FBXW7: variants seen among roughly 807,000 people sequenced by gnomAD.
FBXW7 encodes the protein F-box and WD repeat domain containing 7.
Under a neutral mutation model 86.3 loss-of-function variants are expected in FBXW7, and 11 were observed. The ratio of observed to expected loss-of-function variants is 0.13; its 90% CI spans 0.08 to 0.21. The LOEUF is 0.21. Among genes scored for constraint, FBXW7 ranks in the 10% least tolerant of loss-of-function variants. The pLI, the probability that FBXW7 is intolerant of heterozygous loss-of-function variation, is 1.00. For synonymous variants in FBXW7, 313 were observed against 297.9 expected (o/e 1.05, Z -0.52); for missense variants, 488 against 847.4 (o/e 0.58, Z 5.27).
At chr4:152,465,808 C>T (rs956941004) in intron 2 of FBXW7, among the ~76,000 whole-genome samples, 4 of 148,832 alleles carry the variant, frequency 2.7e-5, no homozygotes, top group Admixed American at 2.0e-4. Context: ...CATGCCACTG[C>T]ACTCCAGCCT....
intron 2 of FBXW7, among the ~76,000 whole-genome samples, chr4:152,485,278 T>A (rs577470184): frequency 3.3e-4 from 50 of 152,122 alleles, no homozygotes; most frequent in Non-Finnish European, 5.6e-4. Context: ...AGAAAAAGTT[T>A]CAAATTGCCT....
intron 2 of FBXW7, among the ~76,000 whole-genome samples, chr4:152,466,409 G>T: frequency 6.6e-6 from 1 of 151,982 alleles, no homozygotes; most frequent in East Asian, 1.9e-4. Context: ...ACAAAAATTA[G>T]TCAGGTTTGG....
At chr4:152,349,932 C>G in intron 5 of FBXW7, 110 bp downstream of exon 5, 1 of 486,168 alleles carries the variant, frequency 2.1e-6, no homozygotes. Context: ...ATGTGTTAAA[C>G]AGTCAACCGT....
intron 2 of FBXW7, among the ~76,000 whole-genome samples, chr4:152,533,023 C>G (rs935261831): frequency 6.6e-6 from 1 of 152,160 alleles, no homozygotes; most frequent in Admixed American, 6.5e-5. Flanking sequence ...CCCATCTCTA[C>G]TAAAAATACA....
intron 4 of FBXW7, among the ~76,000 whole-genome samples, chr4:152,375,380 T>C (rs897568810): frequency 6.6e-6 from 1 of 152,040 alleles, no homozygotes; most frequent in African/African-American, 2.4e-5. Context: ...GAATCAATAA[T>C]AAATTATCAA....
At chr4:152,480,844 T>C (rs1744817620) in intron 2 of FBXW7, among the ~76,000 whole-genome samples, 2 of 152,160 alleles carry the variant, frequency 1.3e-5, no homozygotes, top group African/African-American at 4.8e-5. Flanking sequence ...AAGAAAAGTT[T>C]GAAGCTAGCA....
chr4:152,509,743 A>C (rs1308896502), intron 2 of FBXW7, among the ~76,000 whole-genome samples: 2 of 152,218 alleles, frequency 1.3e-5, no homozygotes. Context: ...TACAATTGTG[A>C]AACAATGACC....
At chr4:152,477,984 C>G (rs1318256618) in intron 2 of FBXW7, among the ~76,000 whole-genome samples, 6 of 151,818 alleles carry the variant, frequency 4.0e-5, no homozygotes, top group Admixed American at 3.9e-4. Context: ...AAAGAGGCAG[C>G]AATGAAACAA....
intron 5 of FBXW7, among the ~76,000 whole-genome samples, chr4:152,349,341 G>C (rs1230093301): frequency 6.6e-6 from 1 of 151,216 alleles, no homozygotes; most frequent in East Asian, 1.9e-4. Context: ...AGATACTTCT[G>C]TCATTTAAAT....
chr4:152,395,268 C>T (rs1736322264), intron 4 of FBXW7, among the ~76,000 whole-genome samples: 1 of 152,022 alleles, frequency 6.6e-6, no homozygotes, highest in African/African-American at 2.4e-5. Context: ...TTTTAAAAAG[C>T]ACTCCAGATG....
chr4:152,348,678 G>T, intron 5 of FBXW7: 2 of 1,124,950 alleles, frequency 1.8e-6, no homozygotes, highest in Non-Finnish European at 2.3e-6. Flanking sequence ...TAATACCTTT[G>T]TCCTGGTATC....
intron 7 of FBXW7, among the ~76,000 whole-genome samples, chr4:152,334,760 G>C (rs1729904589): frequency 6.6e-6 from 1 of 152,160 alleles, no homozygotes; most frequent in Non-Finnish European, 1.5e-5. Context: ...AAAGAAAGTT[G>C]AAGTGCTAAC....
intron 2 of FBXW7, among the ~76,000 whole-genome samples, chr4:152,420,000 T>C (rs1484645263): frequency 6.6e-6 from 1 of 152,152 alleles, no homozygotes; most frequent in Non-Finnish European, 1.5e-5. Context: ...GTTAGCCACA[T>C]CAATTGACTC....
intron 2 of FBXW7, among the ~76,000 whole-genome samples, chr4:152,497,423 T>G (rs1285203971): frequency 2.7e-5 from 4 of 145,514 alleles, no homozygotes; most frequent in Admixed American, 2.7e-4. Context: ...AATATCCAGA[T>G]TATAAAAAGA....
chr4:152,336,897 T>G (rs925529210), intron 7 of FBXW7, among the ~76,000 whole-genome samples: 1 of 152,020 alleles, frequency 6.6e-6, no homozygotes, highest in African/African-American at 2.4e-5. Flanking sequence ...AAAATGACTT[T>G]TTTCTGTTCA....
chr4:152,389,719 T>C (rs1480712933), intron 4 of FBXW7, among the ~76,000 whole-genome samples: 1 of 151,854 alleles, frequency 6.6e-6, no homozygotes, highest in Non-Finnish European at 1.5e-5. Flanking sequence ...ATGTAATATA[T>C]CCATGTAAAA....
At chr4:152,470,533 T>C (rs542080107) in intron 2 of FBXW7, among the ~76,000 whole-genome samples, 12 of 152,218 alleles carry the variant, frequency 7.9e-5, no homozygotes, top group East Asian at 5.8e-4. Context: ...CATTTAAAAA[T>C]CCATCCTATG....
In FBXW7 at chr4:152,450,954, A is replaced by G. The variant is rs75026869; in HGVS notation, c.-119-38425T>C. On this transcript the variant is annotated intron_variant, in intron 2 of 13. Coordinates refer to ENST00000281708, the MANE Select transcript of FBXW7 (RefSeq NM_001349798.2). ...ACCAATATCCCTTGGATCTTATATT[A>G]ATTATAACTTAGAGTATAAGCAATA... 7.3e-3 allele frequency among the ~76,000 whole-genome samples: 1,110 copies of G among 152,346 alleles called. 37 individuals are homozygous for G. Among genetic ancestry groups the G allele is most frequent in the Admixed American group, 0.053 (805 of 15,290 alleles).
chr4:152,451,931 G>A (rs1016404526), intron 2 of FBXW7, among the ~76,000 whole-genome samples: 1 of 152,032 alleles, frequency 6.6e-6, no homozygotes, highest in African/African-American at 2.4e-5. Flanking sequence ...TGAACCCTGG[G>A]AGTTCCTGAG....
Sources: allele counts gnomAD v4.1 joint callset (sites outside exome capture counted in the v4.1 genomes callset), GRCh38; gene constraint gnomAD v4.1.1; transcripts MANE v1.5; gene names NCBI Gene and HGNC (gene_info 2026-07-23, HGNC 2026-07-21).